Variants in DNAH10 observed in about 807,000 individuals in gnomAD.
DNAH10 encodes the protein dynein axonemal heavy chain 10, also known as axonemal beta dynein heavy chain 10.
In DNAH10, 348 loss-of-function variants were observed where a neutral mutation model predicts 506.6. The ratio of observed to expected loss-of-function variants is 0.69; its 90% CI spans 0.63 to 0.75. The LOEUF is 0.75. DNAH10 is among the 30% of genes least tolerant of loss of function. DNAH10 has a pLI of 0.00. For synonymous variants in DNAH10, 2,059 were observed against 2,198.6 expected, an observed-to-expected ratio of 0.94 and a Z score of 1.78; for missense variants, 5,179 against 5,787.1, an observed-to-expected ratio of 0.89 and a Z score of 3.41.
chr12:123,931,371 C>A lies in DNAH10; in HGVS notation c.12815C>A (p.Thr4272Lys), dbSNP rs756484515. 1 of 1,613,902 alleles carries A rather than the reference C, an allele frequency of 6.2e-7. No individual in the cohort carries two copies. The highest frequency in any genetic ancestry group is 1.1e-5 in the South Asian group (1 of 91,078). The change falls in exon 74 of 79, where the codon ACG (threonine) becomes AAG (lysine). Residue 4272 changes from threonine (T) to lysine (K), a missense_variant. Thr to Lys is a moderately conservative substitution (Grantham distance 78). This residue lies in a region of DNAH10 where 4,844 missense variants were observed against 5,430.5 expected (regional missense o/e 0.89). Transcript: ENST00000673944. The part of the protein sequence containing the change: ...EAIEALPLAN[T>K]PEVFGLHPNA... ...ATCGAGGCCCTCCCGCTTGCCAACA[C>A]GCCAGAAGTGTTTGGTCTCCACCCC...
chr12:123,836,210 G>A (rs1370336253), intron 28 of DNAH10, among the ~76,000 whole-genome samples: 2 of 152,060 alleles, frequency 1.3e-5, no homozygotes, highest in Admixed American at 6.5e-5. Context: ...ATCATATTGT[G>A]TACAACTTTA....
At chr12:123,849,139 G>A (rs1951067612) in intron 34 of DNAH10, among the ~76,000 whole-genome samples, 2 of 152,198 alleles carry the variant, frequency 1.3e-5, no homozygotes, top group South Asian at 4.1e-4. Flanking sequence ...GTGGGGCAGA[G>A]TTCTCAAATA....
chr12:123,862,903 A>C (rs1566010937), intron 39 of DNAH10, among the ~76,000 whole-genome samples: 1 of 152,082 alleles, frequency 6.6e-6, no homozygotes, highest in African/African-American at 2.4e-5. Flanking sequence ...TCTGCAATTG[A>C]CTCTCAAATG....
At chr12:123,895,535 A>G (rs1172304973) in intron 54 of DNAH10, among the ~76,000 whole-genome samples, 2 of 152,220 alleles carry the variant, frequency 1.3e-5, no homozygotes, top group Non-Finnish European at 2.9e-5. Context: ...CTTTTTCGCA[A>G]CTACTCAATT....
Position 123,914,978 on chromosome 12 carries a change from A to G in DNAH10, c.10701A>G (p.Lys3567=), listed in dbSNP as rs767628709. The change falls in exon 62 of 79, where the codon AAA becomes AAG. Residue 3567 remains lysine, a synonymous_variant. Transcript: ENST00000673944. The part of the protein sequence containing the change: ...QQQALNWIKR[K]EEKNNLRVAS... ...AGGCCCTCAACTGGATCAAGAGAAAAGAGGAGAAGAACAATCTGCGGGTAT... is the reference window on the plus strand; with the variant it reads ...AGGCCCTCAACTGGATCAAGAGAAAGGAGGAGAAGAACAATCTGCGGGTAT... 4 of 1,610,042 alleles carry G rather than the reference A, an allele frequency of 2.5e-6. No individual in the cohort carries two copies. Among genetic ancestry groups the G allele is most frequent in the Non-Finnish European group, 3.4e-6 (4 of 1,178,166 alleles).
At position 123,813,349 on chromosome 12, in the gene DNAH10, A is replaced by G. The variant is rs769657665; in HGVS notation, c.3330A>G (p.Lys1110=). 1.2e-6 allele frequency: 2 copies of G among 1,614,254 alleles called. No individual in the cohort carries two copies. The highest frequency in any genetic ancestry group is 1.1e-5 in the South Asian group (1 of 91,090). Residue 1110 remains lysine, a synonymous_variant, in exon 20 of 79, where the codon AAA becomes AAG. Coordinates refer to ENST00000673944, the MANE Select transcript of DNAH10 (RefSeq NM_001372106.1). ...ILINLMKYLQ[K]WKRYRPLWKL... ...TCAATCTTATGAAGTATCTACAAAA[A>G]TGGAAGCGGTATCGACCTCTCTGGA...
At chr12:123,880,819 G>A (rs2137061400) in intron 50 of DNAH10, among the ~76,000 whole-genome samples, 1 of 106,144 alleles carries the variant, frequency 9.4e-6, no homozygotes, top group South Asian at 3.1e-4. Flanking sequence ...CCCCACAACA[G>A]GCCCTGGTGT....
intron 46 of DNAH10, among the ~76,000 whole-genome samples, chr12:123,874,121 TTATGAG>T (rs745406727): frequency 6.6e-6 from 1 of 152,200 alleles, no homozygotes; most frequent in Non-Finnish European, 1.5e-5. Flanking sequence ...TTCAGCTGCA[TTATGAG>T]TATGTTTCTG....
chr12:123,783,772 C>A (rs1230669790), intron 7 of DNAH10, among the ~76,000 whole-genome samples, 175 bp from the exon 8 acceptor site: 2 of 152,236 alleles, frequency 1.3e-5, no homozygotes, highest in African/African-American at 4.8e-5. Context: ...CTAGCATTCT[C>A]AGCTGGAGCC....
chr12:123,843,081 G>T (rs982825738), intron 30 of DNAH10, among the ~76,000 whole-genome samples: 1 of 152,240 alleles, frequency 6.6e-6, no homozygotes, highest in Non-Finnish European at 1.5e-5. Context: ...CTACCACTTT[G>T]CTAGGGCATT....
At chr12:123,848,587 A>G in intron 33 of DNAH10, 143 bp from the exon 34 acceptor site, 1 of 1,177,096 alleles carries the variant, frequency 8.5e-7, no homozygotes, top group African/African-American at 1.5e-5. Context: ...AGAAAAATCC[A>G]CTAGTCAAGT....
rs543399973 is a variant in DNAH10, at chr12:123,838,960, C to T, written c.5136+271C>T. Among the ~76,000 whole-genome samples the T allele has an allele frequency of 1.1e-3, 160 of 152,272 alleles. 1 individual carries two copies. The highest frequency in any genetic ancestry group is 1.5e-3 in the Non-Finnish European group (100 of 68,034). ...CTGAGTGGCTGGGACCACAGGTGCA[C>T]ACCACCATGCCTGGCTAATTTTTAT... On this transcript the variant is annotated intron_variant, in intron 29 of 78. Coordinates refer to ENST00000673944, the MANE Select transcript of DNAH10 (RefSeq NM_001372106.1).
chr12:123,804,793 T>A, intron 17 of DNAH10, 40 bp from the exon 18 acceptor site: 7 of 1,579,078 alleles, frequency 4.4e-6, no homozygotes, highest in Non-Finnish European at 6.1e-6. Flanking sequence ...TGTCCTTCCC[T>A]GTGTTCGTGG....
chr12:123,864,614 G>A lies in DNAH10; in HGVS notation c.6928G>A (p.Asp2310Asn), dbSNP rs772435459. Residue 2310 changes from aspartate (D) to asparagine (N), a missense_variant, in exon 40 of 79, where the codon GAT becomes AAT. Asp to Asn is a conservative substitution (Grantham distance 23, BLOSUM62 1). Coordinates refer to ENST00000673944, the MANE Select transcript of DNAH10 (RefSeq NM_001372106.1). Reference protein sequence around the residue: ...KERKYILFDGDVDALWVENMN... With the variant: ...KERKYILFDGNVDALWVENMN... Reference sequence around the variant, plus strand: ...CTGCAGGTATATTTTATTTGATGGTGATGTGGATGCTCTATGGGTGGAAAA... The same window carrying A: ...CTGCAGGTATATTTTATTTGATGGTAATGTGGATGCTCTATGGGTGGAAAA... 1.2e-6 allele frequency: 2 copies of A among 1,613,790 alleles called. No homozygotes were observed. The highest frequency in any genetic ancestry group is 1.7e-6 in the Non-Finnish European group (2 of 1,179,886).
rs1399880087 is a variant in DNAH10, at chr12:123,909,355, G to A, written c.9910G>A (p.Gly3304Ser). Residue 3304 changes from glycine to serine, a missense_variant, in exon 58 of 79, where the codon GGC becomes AGC. Coordinates refer to ENST00000673944, the MANE Select transcript of DNAH10 (RefSeq NM_001372106.1). This position sits in a 1 kb window ranked among gnomAD's most constrained non-coding sequence, Gnocchi z 5.4. The part of the protein sequence containing the change: ...YKELNWKTAK[G>S]VMSDPNFLRS... Reference sequence around the variant, plus strand: ...AGAGCTGAACTGGAAAACAGCCAAGGGCGTGATGTCCGACCCGAATTTCCT... The same window carrying A: ...AGAGCTGAACTGGAAAACAGCCAAGAGCGTGATGTCCGACCCGAATTTCCT... The A allele has an allele frequency of 6.2e-7, 1 of 1,612,716 alleles. No homozygotes were observed. Among genetic ancestry groups the A allele is most frequent in the Non-Finnish European group, 8.5e-7 (1 of 1,179,454 alleles).
chr12:123,916,223 G>A lies in DNAH10; in HGVS notation c.10723-234G>A, dbSNP rs1347145812. Among the ~76,000 whole-genome samples, 1 of 152,184 alleles carries A rather than the reference G, an allele frequency of 6.6e-6. No individual in the cohort carries two copies. Among genetic ancestry groups the A allele is most frequent in the Non-Finnish European group, 1.5e-5 (1 of 68,034 alleles). ...AGGAGGGGTTCTAGCTTACGGGAGA[G>A]GGGCTGAGGAATCCCCTTCCTTTCC... On this transcript the variant is annotated intron_variant, in intron 62 of 78. Coordinates refer to ENST00000673944, the MANE Select transcript of DNAH10 (RefSeq NM_001372106.1). This position sits in a 1 kb window ranked among gnomAD's most constrained non-coding sequence, Gnocchi z 4.6.
intron 37 of DNAH10, among the ~76,000 whole-genome samples, chr12:123,858,251 C>T (rs190536041): frequency 1.4e-4 from 21 of 152,178 alleles, no homozygotes; most frequent in African/African-American, 5.1e-4. Context: ...TATATGTTGT[C>T]ATTAAGCCAA....
Position 123,790,018 on chromosome 12 carries a change from A to G in DNAH10, c.1712A>G (p.Asp571Gly), listed in dbSNP as rs369738085. ...KRIDDVLCRV[D>G]GLVTPMENLT... The stretch of plus-strand genomic sequence containing the variant: ...ATTGATGATGTCCTATGCAGAGTGG[A>G]CGGCCTAGTCACCCCCATGGAAAAC... Residue 571 changes from aspartate to glycine, a missense_variant, in exon 11 of 79, where the codon GAC (aspartate) becomes GGC (glycine). Physicochemically the swap from Asp to Gly is moderately conservative, Grantham distance 94 (BLOSUM62 -1). Around this residue, in one of 3 missense-constraint regions of DNAH10, gnomAD observed 4,844 missense variants for 5,430.5 expected, o/e 0.89. Coordinates refer to ENST00000673944, the MANE Select transcript of DNAH10 (RefSeq NM_001372106.1). 45 of 1,614,036 alleles carry G rather than the reference A, an allele frequency of 2.8e-5. 1 individual carries two copies. The highest frequency in any genetic ancestry group is 3.6e-5 in the Non-Finnish European group (43 of 1,180,030).
Position 123,873,596 on chromosome 12 carries a change from C to A in DNAH10, c.7824C>A (p.Ser2608=). Residue 2608 remains serine, a synonymous_variant, in exon 46 of 79, where the codon TCC becomes TCA. Coordinates refer to ENST00000673944, the MANE Select transcript of DNAH10 (RefSeq NM_001372106.1). ...LMVNFSSRTT[S]MDIQRNLEAN... ...TCAACTTCTCCTCCCGCACCACGTC[C>A]ATGGATATCCAAAGAAATTTAGAAG... 1 of 1,613,754 alleles carries A rather than the reference C, an allele frequency of 6.2e-7. No homozygotes were observed. The highest frequency in any genetic ancestry group is 8.5e-7 in the Non-Finnish European group (1 of 1,179,812).
Sources: allele counts gnomAD v4.1 joint callset (sites outside exome capture counted in the v4.1 genomes callset), GRCh38; gene constraint gnomAD v4.1.1; regional missense constraint gnomAD v4.1.1; non-coding constraint Gnocchi (gnomAD v3.1); transcripts MANE v1.5; gene names NCBI Gene and HGNC (gene_info 2026-07-23, HGNC 2026-07-21).